Variants in KCNAB1 observed in about 807,000 individuals in gnomAD.
KCNAB1 encodes the protein voltage-gated potassium channel subunit beta-1.
KCNAB1 carries 35 observed loss-of-function variants against 64.6 expected under a neutral mutation model. That is an observed-to-expected ratio of 0.54 (90% CI 0.41 to 0.72). KCNAB1 has a LOEUF of 0.72. Ranked by LOEUF, KCNAB1 falls within the 30% of genes least tolerant of loss-of-function variation. The pLI, the probability that KCNAB1 is intolerant of heterozygous loss-of-function variation, is 0.00. For missense variants in KCNAB1, 401 were observed against 512.9 expected, an observed-to-expected ratio of 0.78 and a Z score of 2.11; for synonymous variants, 177 against 183.8, an observed-to-expected ratio of 0.96 and a Z score of 0.30.
intron 1 of KCNAB1, among the ~76,000 whole-genome samples, chr3:156,168,715 G>A (rs527594463): frequency 1.5e-3 from 235 of 152,324 alleles, no homozygotes; most frequent in African/African-American, 4.4e-3. Context: ...ATGCTGTTGA[G>A]AAATCAGCTC....
At position 156,452,811 on chromosome 3, in the gene KCNAB1, A is replaced by G; in HGVS notation, c.320-88A>G. 1.1e-6 allele frequency: 1 copy of G among 932,504 alleles called. No individual in the cohort carries two copies. The highest frequency in any genetic ancestry group is 2.5e-5 in the East Asian group (1 of 39,986). 57.8% of individuals were successfully genotyped at this position (932,504 alleles called of 1,614,324 possible). On this transcript the variant is annotated intron_variant, in intron 2 of 13. Coordinates refer to ENST00000490337, the MANE Select transcript of KCNAB1 (RefSeq NM_172160.3). The surrounding 1 kb of genome is among the most constrained non-coding windows in gnomAD (Gnocchi z 4.6). ...TGTGAACTACCCATACAACCTATTG[A>G]GGTAGTCCCAAAGTAAGAATTTCCC...
chr3:156,292,015 CCGG>C, intron 1 of KCNAB1: 1 of 1,614,140 alleles, frequency 6.2e-7, no homozygotes, highest in Non-Finnish European at 8.5e-7. Flanking sequence ...TGAACGCAGC[CCGG>C]GCCAAATTCC....
At chr3:156,206,088 C>T (rs1714644803) in intron 1 of KCNAB1, among the ~76,000 whole-genome samples, 1 of 152,192 alleles carries the variant, frequency 6.6e-6, no homozygotes, top group Admixed American at 6.6e-5. Context: ...GGGGAGTTTG[C>T]ACTCCCCAGT....
At chr3:156,401,286 T>C (rs1221520995) in intron 1 of KCNAB1, among the ~76,000 whole-genome samples, 5 of 152,264 alleles carry the variant, frequency 3.3e-5, no homozygotes, top group Admixed American at 6.5e-5. Flanking sequence ...TACATACGTG[T>C]ATGTGCAAAC....
chr3:156,388,231 G>A, intron 1 of KCNAB1, among the ~76,000 whole-genome samples: 1 of 152,182 alleles, frequency 6.6e-6, no homozygotes, highest in Admixed American at 6.5e-5. Context: ...CCTTGTATCT[G>A]GAGCTAATCC....
chr3:156,234,389 A>G (rs1716731586), intron 1 of KCNAB1, among the ~76,000 whole-genome samples: 1 of 152,154 alleles, frequency 6.6e-6, no homozygotes. Context: ...AGTACCCCAG[A>G]GACTTTAGGA....
chr3:156,177,305 A>G (rs1712443650), intron 1 of KCNAB1, among the ~76,000 whole-genome samples: 1 of 152,188 alleles, frequency 6.6e-6, no homozygotes, highest in Non-Finnish European at 1.5e-5. Flanking sequence ...CCTGCTCACT[A>G]TACCCAGACA....
chr3:156,471,333 A>G (rs1413176671), intron 7 of KCNAB1, among the ~76,000 whole-genome samples: 1 of 152,262 alleles, frequency 6.6e-6, no homozygotes, highest in Non-Finnish European at 1.5e-5. Context: ...AAACTTTGGA[A>G]CCTAAAAGAA....
At chr3:156,332,919 A>T (rs1048384202) in intron 1 of KCNAB1, among the ~76,000 whole-genome samples, 7 of 152,212 alleles carry the variant, frequency 4.6e-5, no homozygotes, top group African/African-American at 1.7e-4. Flanking sequence ...TCAGAAGCTT[A>T]AATGTGAAAC....
intron 1 of KCNAB1, among the ~76,000 whole-genome samples, chr3:156,155,820 G>A (rs559935577): frequency 3.9e-5 from 6 of 152,276 alleles, no homozygotes; most frequent in South Asian, 4.1e-4. Context: ...GCTCATGGTC[G>A]TGGTTTATTA....
downstream of KCNAB1, chr3:156,538,750 T>C (rs1028221269): frequency 1.2e-4 from 18 of 152,254 alleles, no homozygotes; most frequent in Non-Finnish European, 2.9e-5. Context: ...CTGCACTGAA[T>C]ACTCAACAGA....
chr3:156,482,815 A>G (rs867373319), intron 8 of KCNAB1, among the ~76,000 whole-genome samples: 6 of 152,152 alleles, frequency 3.9e-5, no homozygotes, highest in Middle Eastern at 6.8e-3. Context: ...ATTTAGAGCT[A>G]CCATTTTTGT....
At chr3:156,181,210 A>G (rs902987982) in intron 1 of KCNAB1, among the ~76,000 whole-genome samples, 7 of 152,226 alleles carry the variant, frequency 4.6e-5, no homozygotes, top group Admixed American at 2.0e-4. Context: ...GGCCTTCAAC[A>G]TATGGGTTTT....
At chr3:156,324,955 T>A (rs573886898) in intron 1 of KCNAB1, among the ~76,000 whole-genome samples, 7 of 152,136 alleles carry the variant, frequency 4.6e-5, no homozygotes, top group Non-Finnish European at 1.0e-4. Context: ...CCTTTGCTCC[T>A]CCAAGCAAGG....
chr3:156,307,065 A>G (rs1721537380), intron 1 of KCNAB1, among the ~76,000 whole-genome samples: 1 of 152,238 alleles, frequency 6.6e-6, no homozygotes, highest in Admixed American at 6.5e-5. Flanking sequence ...AAGTTAATTC[A>G]TAGAAAAATA....
intron 1 of KCNAB1, among the ~76,000 whole-genome samples, chr3:156,336,504 A>T (rs1723722868): frequency 6.6e-6 from 1 of 152,256 alleles, no homozygotes; most frequent in Admixed American, 6.5e-5. Context: ...AGCACCCTGA[A>T]GAGAATCTGG....
intron 12 of KCNAB1, among the ~76,000 whole-genome samples, chr3:156,530,021 G>A (rs979996042): frequency 1.3e-5 from 2 of 152,218 alleles, no homozygotes; most frequent in Non-Finnish European, 2.9e-5. Context: ...TGACTGGGAT[G>A]TGAAGAAGAT....
intron 1 of KCNAB1, among the ~76,000 whole-genome samples, chr3:156,168,826 GA>G (rs1711773277): frequency 6.6e-6 from 1 of 152,172 alleles, no homozygotes; most frequent in Non-Finnish European, 1.5e-5. Flanking sequence ...CTGAAAAATG[GA>G]AGGCAGATAA....
intron 1 of KCNAB1, among the ~76,000 whole-genome samples, chr3:156,379,585 C>G (rs1711998466): frequency 1.3e-5 from 2 of 152,006 alleles, no homozygotes; most frequent in Non-Finnish European, 2.9e-5. Flanking sequence ...GTGTGCCCAG[C>G]ATGTTAAGAA....
Sources: gnomAD v4.1 joint callset for allele counts (sites outside exome capture counted in the v4.1 genomes callset) on GRCh38, gnomAD v4.1.1 for gene constraint, Gnocchi (gnomAD v3.1) non-coding constraint, MANE v1.5 for transcripts, NCBI Gene and HGNC (gene_info 2026-07-23, HGNC 2026-07-21) for gene names.